PCDHA8: variants seen among roughly 807,000 people sequenced by gnomAD.
The protein encoded by PCDHA8 is protocadherin alpha-8.
PCDHA8 carries 53 observed loss-of-function variants against 61.8 expected under a neutral mutation model. The ratio of observed to expected loss-of-function variants is 0.86; its 90% CI spans 0.69 to 1.08. The LOEUF is 1.08. Among genes scored for constraint, PCDHA8 ranks in the 50% least tolerant of loss-of-function variants. The probability of loss-of-function intolerance (pLI) is 0.00; values close to 1 mark genes in which losing one functional copy is unlikely to be tolerated. For synonymous variants in PCDHA8, 618 were observed against 556.6 expected (o/e 1.11, Z -1.55); for missense variants, 1,293 against 1,245.0 (o/e 1.04, Z -0.58).
At chr5:140,964,482 G>A (rs1554227054) in intron 1 of PCDHA8, among the ~76,000 whole-genome samples, 1 of 152,144 alleles carries the variant, frequency 6.6e-6, no homozygotes, top group African/African-American at 2.4e-5. Flanking sequence ...TTTTTTCACA[G>A]TCACAGGTCT....
At chr5:140,967,894 G>A (rs1586251835) in intron 1 of PCDHA8, 5 of 1,614,192 alleles carry the variant, frequency 3.1e-6, no homozygotes, top group Non-Finnish European at 3.4e-6. Context: ...CAGTGCCTGA[G>A]AATGCTACAC....
At chr5:140,927,808 T>A (rs782535814) in intron 1 of PCDHA8, 1 of 1,614,208 alleles carries the variant, frequency 6.2e-7, no homozygotes, top group African/African-American at 1.3e-5. Context: ...TGAAACGCTC[T>A]TGGAGGCATA....
chr5:140,871,332 G>T (rs1182944600), intron 1 of PCDHA8: 6 of 1,614,146 alleles, frequency 3.7e-6, no homozygotes, highest in South Asian at 1.1e-5. Flanking sequence ...GCTCCCGCGC[G>T]GTGGGGAGCT....
chr5:140,848,352 TC>T, intron 1 of PCDHA8: 1 of 1,003,034 alleles, frequency 1.0e-6, no homozygotes, highest in Non-Finnish European at 1.5e-6. Context: ...ACAGCCCTTT[TC>T]CCATGGGAAA....
At chr5:140,906,757 A>G (rs554698266) in intron 1 of PCDHA8, among the ~76,000 whole-genome samples, 2 of 152,346 alleles carry the variant, frequency 1.3e-5, no homozygotes, top group South Asian at 4.1e-4. Flanking sequence ...GCATGGTAAT[A>G]CTAAGAGACA....
At chr5:140,884,213 G>C in intron 1 of PCDHA8, 1 of 1,613,532 alleles carries the variant, frequency 6.2e-7, no homozygotes, top group East Asian at 2.2e-5. Flanking sequence ...CCGCCTTCTG[G>C]TGCTGGTGAA....
At chr5:140,896,661 G>A (rs553525837) in intron 1 of PCDHA8, among the ~76,000 whole-genome samples, 1 of 152,220 alleles carries the variant, frequency 6.6e-6, no homozygotes. Context: ...ACAGGCATGA[G>A]TCACTGTGCC....
intron 1 of PCDHA8, among the ~76,000 whole-genome samples, chr5:140,905,079 T>C (rs2071581588): frequency 6.6e-6 from 1 of 152,168 alleles, no homozygotes; most frequent in Admixed American, 6.5e-5. Context: ...AGTTGCACTT[T>C]CTTTTGGGTT....
rs2150354171 is a variant in PCDHA8, at chr5:140,843,161, G to C, written c.1840G>C (p.Ala614Pro). 3.6e-5 allele frequency: 58 copies of C among 1,595,996 alleles called. 4 individuals are homozygous for C. In the South Asian group the frequency reaches 6.1e-4, roughly 17 times the overall value. ...NAWLSYELQP[A>P]ASSPRIPFRV... ...GTGGCTTTCGTATGAGCTGCAGCCA[G>C]CTGCAAGCAGCCCTCGCATCCCGTT... The change falls in exon 1 of 4, where the codon GCT becomes CCT. Residue 614 changes from alanine to proline, a missense_variant. Physicochemically the swap from Ala to Pro is conservative, Grantham distance 27. Coordinates refer to ENST00000531613, the MANE Select transcript of PCDHA8 (RefSeq NM_018911.3).
rs1308888029 is a variant in PCDHA8 at position 141,011,344 on chromosome 5, A to G, written c.*1407A>G. Reference sequence around the variant, plus strand: ...ACACCTATGATGTTACCTGAAATCAATCTCCCATATGTATGCTGTATGCTA... The same window carrying G: ...ACACCTATGATGTTACCTGAAATCAGTCTCCCATATGTATGCTGTATGCTA... On this transcript the variant is annotated 3_prime_UTR_variant, in exon 4 of 4. Coordinates refer to ENST00000531613, the MANE Select transcript of PCDHA8 (RefSeq NM_018911.3). 3 of 153,730 alleles carry G rather than the reference A, an allele frequency of 2.0e-5. No homozygotes were observed. The highest frequency in any genetic ancestry group is 2.9e-5 in the Non-Finnish European group (2 of 68,040). The allele number at this position is 153,730 out of a possible 1,614,324, so 9.5% of individuals were successfully genotyped here.
At chr5:140,850,732 G>C (rs1320738084) in intron 1 of PCDHA8, 1 of 1,597,956 alleles carries the variant, frequency 6.3e-7, no homozygotes, top group Non-Finnish European at 8.6e-7. Flanking sequence ...AGCGCGGTGG[G>C]GAGTTGGTCG....
rs1238256859 is a variant in PCDHA8, at chr5:141,010,204, C to T, written c.*267C>T. 6.4e-7 allele frequency: 1 copy of T among 1,551,970 alleles called. No homozygotes were observed. On this transcript the variant is annotated 3_prime_UTR_variant, in exon 4 of 4. Transcript: ENST00000531613. The stretch of plus-strand genomic sequence containing the variant: ...GACCCAAGTTTCCTTTCTCCTCCGC[C>T]GCAAAGGAGAGGCTTCCCAGCCCCG...
At chr5:140,854,262 A>G in intron 1 of PCDHA8, 1 of 592,128 alleles carries the variant, frequency 1.7e-6, no homozygotes, top group South Asian at 7.2e-5. Flanking sequence ...TAAAATGTAC[A>G]TTAGTAGAAA....
At chr5:140,852,582 AT>A (rs2150518947) in intron 1 of PCDHA8, 40,508 of 639,920 alleles carry the variant, frequency 0.063, 8 homozygotes, top group South Asian at 0.073. Flanking sequence ...AGGCTTTTTT[AT>A]TTTTTTTTTT....
At chr5:140,862,584 G>A (rs2047434517) in intron 1 of PCDHA8, 1 of 495,742 alleles carries the variant, frequency 2.0e-6, no homozygotes, top group South Asian at 1.6e-5. Context: ...CGTTCCAGCA[G>A]CCCGAGTACA....
chr5:140,850,031 G>A (rs2150464401), intron 1 of PCDHA8: 5 of 1,596,722 alleles, frequency 3.1e-6, no homozygotes, highest in East Asian at 4.5e-5. Context: ...CAGTGCACGC[G>A]GAGAGCGGCA....
intron 1 of PCDHA8, chr5:140,863,473 C>A (rs966575223): frequency 6.2e-6 from 3 of 487,660 alleles, no homozygotes; most frequent in South Asian, 1.6e-5. Flanking sequence ...TCTGGAGAGT[C>A]GCCTCCCAAG....
intron 1 of PCDHA8, among the ~76,000 whole-genome samples, chr5:140,914,476 G>C (rs1054000684): frequency 6.6e-6 from 1 of 152,140 alleles, no homozygotes; most frequent in Non-Finnish European, 1.5e-5. Context: ...CTTCATAGGT[G>C]AAGTGTTTCT....
At chr5:140,916,688 C>G (rs1422583302) in intron 1 of PCDHA8, among the ~76,000 whole-genome samples, 3 of 152,180 alleles carry the variant, frequency 2.0e-5, no homozygotes, top group Admixed American at 6.5e-5. Flanking sequence ...TTACTCTTTT[C>G]TCTCCTCTCC....
Sources: allele counts gnomAD v4.1 joint callset (sites outside exome capture counted in the v4.1 genomes callset), GRCh38; gene constraint gnomAD v4.1.1; transcripts MANE v1.5; gene names NCBI Gene and HGNC (gene_info 2026-07-23, HGNC 2026-07-21).